The following SLC2A13 variants were observed in gnomAD, a reference collection of about 807,000 sequenced individuals.
SLC2A13 encodes the protein solute carrier family 2 member 13.
SLC2A13 carries 32 observed loss-of-function variants against 64.4 expected under a neutral mutation model. The observed-to-expected ratio is 0.50, with a 90% confidence interval of 0.37 to 0.67. The LOEUF is 0.67. Among genes scored for constraint, SLC2A13 ranks in the 30% least tolerant of loss-of-function variants. The pLI, the probability that SLC2A13 is intolerant of heterozygous loss-of-function variation, is 0.00. For missense variants in SLC2A13, 743 were observed against 829.2 expected (o/e 0.90, Z 1.28); for synonymous variants, 338 against 327.1 (o/e 1.03, Z -0.36).
rs982540771 is a variant in SLC2A13, at chr12:39,766,400, A to G, written c.1446-1542T>C. ...AAAAATGTACAAACCTTAATTTTAA[A>G]ATATTTTGATAAAAAATGCTAACGA... On this transcript the variant is annotated intron_variant, in intron 7 of 9. Transcript: ENST00000280871. Among the ~76,000 whole-genome samples the G allele has an allele frequency of 5.3e-5, 8 of 152,054 alleles. No homozygotes were observed. The South Asian group carries it at 6.2e-4, about 12-fold the overall frequency.
At chr12:40,046,729 T>C (rs995800210) in intron 2 of SLC2A13, among the ~76,000 whole-genome samples, 14 of 151,996 alleles carry the variant, frequency 9.2e-5, no homozygotes, top group Admixed American at 8.5e-4. Flanking sequence ...CTCCCCTTAA[T>C]GGTCCTTACA....
chr12:39,886,110 T>C (rs1456640977), intron 4 of SLC2A13, among the ~76,000 whole-genome samples: 3 of 152,244 alleles, frequency 2.0e-5, no homozygotes, highest in Non-Finnish European at 4.4e-5. Context: ...GACCTTTCAA[T>C]TGACAGAGAT....
chr12:39,855,135 T>C (rs568239848), intron 6 of SLC2A13, among the ~76,000 whole-genome samples: 2 of 152,360 alleles, frequency 1.3e-5, no homozygotes, highest in Admixed American at 1.3e-4. Context: ...ACATTCACTA[T>C]GGTGTTGAAA....
intron 1 of SLC2A13, among the ~76,000 whole-genome samples, chr12:40,081,251 A>T (rs1405676008): frequency 6.6e-6 from 1 of 152,178 alleles, no homozygotes; most frequent in East Asian, 1.9e-4. Flanking sequence ...TGACCTTTCT[A>T]GTGAGGTTGG....
chr12:39,804,431 T>C (rs1243813350), intron 7 of SLC2A13, among the ~76,000 whole-genome samples: 2 of 152,024 alleles, frequency 1.3e-5, no homozygotes, highest in Non-Finnish European at 2.9e-5. Context: ...ATGGTAAGAG[T>C]TTAACATTCA....
At chr12:40,061,819 A>C (rs948319772) in intron 1 of SLC2A13, among the ~76,000 whole-genome samples, 4 of 152,118 alleles carry the variant, frequency 2.6e-5, no homozygotes, top group Non-Finnish European at 5.9e-5. Context: ...CAAAAAAAAA[A>C]AAAGGAAATT....
intron 6 of SLC2A13, among the ~76,000 whole-genome samples, chr12:39,851,547 T>C (rs1397945905): frequency 6.6e-6 from 1 of 152,208 alleles, no homozygotes; most frequent in East Asian, 1.9e-4. Context: ...AAATGTTTGG[T>C]CTAGGCTAAA....
chr12:40,024,410 A>C (rs960570422), intron 3 of SLC2A13, among the ~76,000 whole-genome samples: 2 of 152,122 alleles, frequency 1.3e-5, no homozygotes, highest in Non-Finnish European at 2.9e-5. Flanking sequence ...CACTTAATAA[A>C]ACAGAATTTT....
chr12:40,046,161 T>G lies in SLC2A13; in HGVS notation c.716+1890A>C, dbSNP rs1383906288. Reference sequence around the variant, plus strand: ...TCTTATAAGTATTTCTGGTTCTACTTTATAGAAAAGTGAAGCTCAGAGGGG... The same window carrying G: ...TCTTATAAGTATTTCTGGTTCTACTGTATAGAAAAGTGAAGCTCAGAGGGG... On this transcript the variant is annotated intron_variant, in intron 2 of 9. Transcript: ENST00000280871. Among the ~76,000 whole-genome samples the G allele has an allele frequency of 2.6e-5, 4 of 152,172 alleles. No homozygotes were observed. In the East Asian group the frequency reaches 7.7e-4, roughly 29 times the overall value.
chr12:39,938,565 T>G (rs780948190), intron 4 of SLC2A13, among the ~76,000 whole-genome samples: 3 of 152,134 alleles, frequency 2.0e-5, no homozygotes, highest in Non-Finnish European at 2.9e-5. Context: ...ACAAAATTAT[T>G]TGTGAATCAT....
chr12:40,044,429 C>A lies in SLC2A13; in HGVS notation c.716+3622G>T, dbSNP rs533933181. Among the ~76,000 whole-genome samples, 6 of 152,098 alleles carry A rather than the reference C, an allele frequency of 3.9e-5. No individual in the cohort carries two copies. In the South Asian group the frequency reaches 1.2e-3, roughly 32 times the overall value. On this transcript the variant is annotated intron_variant, in intron 2 of 9. Coordinates refer to ENST00000280871, the MANE Select transcript of SLC2A13 (RefSeq NM_052885.4). ...CATAGCTCTGTGAATACACTAAAAG[C>A]CAAGTGATTGTACAATTTAAATGGA... is the stretch of plus-strand genomic sequence containing the variant.
Position 39,979,081 on chromosome 12 carries a change from AGG to A in SLC2A13, c.926-27718_926-27717del, listed in dbSNP as rs1440056655. Among the ~76,000 whole-genome samples, 3 of 151,924 alleles carry A rather than the reference AGG, an allele frequency of 2.0e-5. No homozygotes were observed. The East Asian group carries it at 5.8e-4, about 29-fold the overall frequency. On this transcript the variant is annotated intron_variant, in intron 3 of 9. Coordinates refer to ENST00000280871, the MANE Select transcript of SLC2A13 (RefSeq NM_052885.4). ...GCGGCACACTGACACCTCACATGGC[AGG>A]GTATTCCAACAGACCTGCAGCTGAG... is the stretch of plus-strand genomic sequence containing the variant.
intron 3 of SLC2A13, among the ~76,000 whole-genome samples, chr12:39,962,198 CTCT>C (rs1473154532): frequency 6.6e-6 from 1 of 152,312 alleles, no homozygotes; most frequent in East Asian, 1.9e-4. Context: ...TCAAGTGATT[CTCT>C]TGCCTCAGCC....
intron 1 of SLC2A13, among the ~76,000 whole-genome samples, chr12:40,059,460 C>A (rs1478971893): frequency 6.6e-6 from 1 of 152,204 alleles, no homozygotes. Context: ...CAGCTTCATG[C>A]TGGTGTTCCC....
At chr12:39,840,395 T>C (rs1332780870) in intron 6 of SLC2A13, among the ~76,000 whole-genome samples, 2 of 152,102 alleles carry the variant, frequency 1.3e-5, no homozygotes, top group Non-Finnish European at 2.9e-5. Flanking sequence ...TCTCTGCTTT[T>C]TAAATCCTAA....
intron 4 of SLC2A13, among the ~76,000 whole-genome samples, chr12:39,903,954 T>C (rs1945202960): frequency 6.6e-6 from 1 of 152,076 alleles, no homozygotes; most frequent in African/African-American, 2.4e-5. Context: ...ACAGACAGGA[T>C]ACTGCTATTT....
intron 1 of SLC2A13, among the ~76,000 whole-genome samples, chr12:40,077,206 T>A (rs1242992493): frequency 6.6e-6 from 1 of 152,200 alleles, no homozygotes; most frequent in Admixed American, 6.5e-5. Context: ...TTTTGGAGTC[T>A]TCATCATGGA....
intron 1 of SLC2A13, among the ~76,000 whole-genome samples, chr12:40,089,284 TA>T (rs1938685804): frequency 6.6e-6 from 1 of 152,198 alleles, no homozygotes; most frequent in Non-Finnish European, 1.5e-5. Context: ...TTTGATAATG[TA>T]AAAGTCAGAA....
chr12:39,815,073 AT>A (rs112309531), intron 7 of SLC2A13, among the ~76,000 whole-genome samples: 2,531 of 152,132 alleles, frequency 0.017, 69 homozygotes, highest in African/African-American at 0.055. Context: ...CAAACTAAGG[AT>A]TAGAGAAGTA....
Sources: gnomAD v4.1 joint callset for allele counts (sites outside exome capture counted in the v4.1 genomes callset) on GRCh38, gnomAD v4.1.1 for gene constraint, MANE v1.5 for transcripts, NCBI Gene and HGNC (gene_info 2026-07-23, HGNC 2026-07-21) for gene names.